The following SPAG16 variants were observed in gnomAD, a reference collection of about 807,000 sequenced individuals.
The protein encoded by SPAG16 is sperm associated antigen 16.
A neutral mutation model predicts 80.4 loss-of-function variants in SPAG16; 86 were observed. The observed-to-expected ratio is 1.07, with a 90% CI of 0.90 to 1.28. The LOEUF (loss-of-function observed/expected upper bound fraction) is 1.28, where lower values mean the gene tolerates loss of function less well. Among genes scored for constraint, SPAG16 ranks in the 50% most tolerant of loss-of-function variants. The pLI is 0.00. For missense variants in SPAG16, 870 were observed against 765.3 expected, an observed-to-expected ratio of 1.14 and a Z score of -1.61; for synonymous variants, 294 against 265.9, an observed-to-expected ratio of 1.11 and a Z score of -1.03.
intron 13 of SPAG16, among the ~76,000 whole-genome samples, chr2:214,033,948 A>G (rs1351415160): frequency 1.3e-5 from 2 of 152,248 alleles, no homozygotes; most frequent in Non-Finnish European, 2.9e-5. Context: ...CTTTATAACA[A>G]AAGAAAATCC....
intron 10 of SPAG16, among the ~76,000 whole-genome samples, chr2:213,812,981 T>A (rs2072276169): frequency 6.6e-6 from 1 of 152,170 alleles, no homozygotes. Flanking sequence ...AGTCTAAATT[T>A]GGGTAAGAAA....
chr2:214,352,556 C>CTGTGTGTGTGTGTGTGTGTG (rs71409878), intron 15 of SPAG16, among the ~76,000 whole-genome samples: 35 of 96,084 alleles, frequency 3.6e-4, no homozygotes, highest in South Asian at 2.0e-3. Context: ...GACTTTTTTT[C>CTGTGTGTGTGTGTGTGTGTG]TCTGTGTGTG....
At chr2:214,009,907 C>T (rs1036283946) in intron 12 of SPAG16, among the ~76,000 whole-genome samples, 1 of 147,598 alleles carries the variant, frequency 6.8e-6, no homozygotes, top group Non-Finnish European at 1.5e-5. Context: ...AGAAACCAAC[C>T]AGATTTTATA....
chr2:214,226,336 A>T (rs112298108), intron 15 of SPAG16, among the ~76,000 whole-genome samples: 4 of 152,200 alleles, frequency 2.6e-5, no homozygotes, highest in African/African-American at 9.6e-5. Context: ...TGCTTGTGTT[A>T]AGTCTGATAA....
chr2:214,142,171 A>G (rs2055396223), intron 14 of SPAG16, among the ~76,000 whole-genome samples: 1 of 152,132 alleles, frequency 6.6e-6, no homozygotes, highest in Non-Finnish European at 1.5e-5. Flanking sequence ...AGAATAGAGT[A>G]CATCCTATCT....
At chr2:214,003,266 T>G (rs1273520178) in intron 12 of SPAG16, among the ~76,000 whole-genome samples, 1 of 152,218 alleles carries the variant, frequency 6.6e-6, no homozygotes, top group African/African-American at 2.4e-5. Context: ...AAATTAATTT[T>G]CTAGATAGTG....
chr2:213,883,683 C>A, intron 11 of SPAG16, among the ~76,000 whole-genome samples: 1 of 131,908 alleles, frequency 7.6e-6, no homozygotes. Context: ...TTTTATGAAT[C>A]TGGATGCTCC....
At chr2:213,658,525 T>C (rs1305736626) in intron 10 of SPAG16, among the ~76,000 whole-genome samples, 1 of 152,184 alleles carries the variant, frequency 6.6e-6, no homozygotes, top group Non-Finnish European at 1.5e-5. Flanking sequence ...GCAAGCACTG[T>C]TCTAAGCACT....
intron 12 of SPAG16, among the ~76,000 whole-genome samples, chr2:213,987,092 C>T (rs2046051638): frequency 6.6e-6 from 1 of 152,068 alleles, no homozygotes; most frequent in Non-Finnish European, 1.5e-5. Flanking sequence ...TTCATTTCCT[C>T]AAGGTGGGGG....
At chr2:214,134,640 A>C (rs1023034393) in intron 14 of SPAG16, among the ~76,000 whole-genome samples, 2 of 152,206 alleles carry the variant, frequency 1.3e-5, no homozygotes, top group African/African-American at 4.8e-5. Flanking sequence ...CCTCTTACTT[A>C]TAACAAACTT....
chr2:213,752,009 A>G (rs998080166), intron 10 of SPAG16, among the ~76,000 whole-genome samples: 1 of 152,258 alleles, frequency 6.6e-6, no homozygotes, highest in African/African-American at 2.4e-5. Flanking sequence ...GGTGATACCT[A>G]TAATTAAAGG....
At chr2:214,354,663 C>G (rs917814369) in intron 15 of SPAG16, among the ~76,000 whole-genome samples, 1 of 151,612 alleles carries the variant, frequency 6.6e-6, no homozygotes, top group Non-Finnish European at 1.5e-5. Context: ...TTTGTATCCT[C>G]TTTTATTTCA....
intron 13 of SPAG16, among the ~76,000 whole-genome samples, chr2:214,100,369 CATTTA>C (rs1269793977): frequency 2.6e-5 from 4 of 151,862 alleles, no homozygotes; most frequent in African/African-American, 9.7e-5. Context: ...TTTTCTCTGA[CATTTA>C]ATTTATTTCA....
rs116359058 is a variant in SPAG16 at position 213,388,073 on chromosome 2, A to G, written c.942+12954A>G. On this transcript the variant is annotated intron_variant, in intron 9 of 15. Transcript: ENST00000331683. The stretch of plus-strand genomic sequence containing the variant: ...CAGGAAGGATTGGACAGTAAATTAT[A>G]GTTAAGTTGGGTCAATTTCAACTCT... 8.4e-3 allele frequency among the ~76,000 whole-genome samples: 1,286 copies of G among 152,254 alleles called. 17 individuals are homozygous for G. The highest frequency in any genetic ancestry group is 0.029 in the African/African-American group (1,200 of 41,542).
At chr2:213,509,293 T>C (rs2075122868) in intron 10 of SPAG16, among the ~76,000 whole-genome samples, 1 of 152,180 alleles carries the variant, frequency 6.6e-6, no homozygotes, top group Non-Finnish European at 1.5e-5. Flanking sequence ...TTCTATATTT[T>C]CTATTTCCAG....
intron 15 of SPAG16, among the ~76,000 whole-genome samples, chr2:214,156,462 T>C (rs928472146): frequency 6.6e-6 from 1 of 152,092 alleles, no homozygotes; most frequent in African/African-American, 2.4e-5. Context: ...AAAATAATTA[T>C]TAAAAACTGA....
intron 5 of SPAG16, chr2:213,317,581 G>A (rs1225551174): frequency 8.4e-7 from 1 of 1,186,550 alleles, no homozygotes; most frequent in Non-Finnish European, 1.0e-6. Flanking sequence ...AGTTGTTTAG[G>A]AGATGGTACA....
intron 13 of SPAG16, among the ~76,000 whole-genome samples, chr2:214,020,660 T>C: frequency 6.6e-6 from 1 of 152,028 alleles, no homozygotes; most frequent in East Asian, 1.9e-4. Context: ...AAGGAAAAAA[T>C]GTATGATGAT....
chr2:213,344,324 T>C (rs914939990), intron 6 of SPAG16, among the ~76,000 whole-genome samples: 1 of 152,154 alleles, frequency 6.6e-6, no homozygotes, highest in African/African-American at 2.4e-5. Flanking sequence ...TGGCTATCTT[T>C]TTCCAAGTTT....
Sources: allele counts gnomAD v4.1 joint callset (sites outside exome capture counted in the v4.1 genomes callset), GRCh38; gene constraint gnomAD v4.1.1; transcripts MANE v1.5; gene names NCBI Gene and HGNC (gene_info 2026-07-23, HGNC 2026-07-21).